RARB: variants seen among roughly 807,000 people sequenced by gnomAD.
RARB encodes retinoic acid receptor beta, also known as HBV-activated protein.
In RARB, 17 loss-of-function variants were observed where a neutral mutation model predicts 51.9. That is an observed-to-expected ratio of 0.33 (90% CI 0.22 to 0.49). The LOEUF is 0.49. Among genes scored for constraint, RARB ranks in the 20% least tolerant of loss-of-function variants. The probability of loss-of-function intolerance (pLI) is 0.99; values close to 1 mark genes in which losing one functional copy is unlikely to be tolerated. For missense variants in RARB, 369 were observed against 550.8 expected, an observed-to-expected ratio of 0.67 and a Z score of 3.30; for synonymous variants, 215 against 195.4, an observed-to-expected ratio of 1.10 and a Z score of -0.84.
At chr3:25,020,000 C>A (rs895002249) in intron 2 of RARB, among the ~76,000 whole-genome samples, 5 of 152,074 alleles carry the variant, frequency 3.3e-5, no homozygotes, top group African/African-American at 1.2e-4. Flanking sequence ...CCTCTTCCAA[C>A]TTACACAGAG....
intron 2 of RARB, among the ~76,000 whole-genome samples, chr3:24,878,757 G>A (rs1353038146): frequency 6.6e-6 from 1 of 152,070 alleles, no homozygotes; most frequent in Non-Finnish European, 1.5e-5. Flanking sequence ...ACTCCTGTCG[G>A]GTGATCTGCA....
chr3:25,190,565 A>G (rs1701077914), intron 5 of RARB, among the ~76,000 whole-genome samples: 1 of 152,108 alleles, frequency 6.6e-6, no homozygotes, highest in African/African-American at 2.4e-5. Context: ...GATCAACTAA[A>G]AAATGCATTT....
At position 25,406,319 on chromosome 3, in the gene RARB, G is replaced by A. The variant is rs528096871; in HGVS notation, c.179-54874G>A. On this transcript the variant is annotated intron_variant, in intron 5 of 11. Coordinates refer to the RARB transcript ENST00000383772. Reference sequence around the variant, plus strand: ...AAAGAAGCACGCAACCTCCATCAGGGATTGTATTTGTCTGCTCAGGCTGCC... The same window carrying A: ...AAAGAAGCACGCAACCTCCATCAGGAATTGTATTTGTCTGCTCAGGCTGCC... Among the ~76,000 whole-genome samples, 410 of 152,330 alleles carry A rather than the reference G, an allele frequency of 2.7e-3. 2 individuals carry two copies. The highest frequency in any genetic ancestry group is 9.6e-3 in the African/African-American group (398 of 41,576).
At chr3:25,005,074 G>C (rs940991769) in intron 2 of RARB, among the ~76,000 whole-genome samples, 3 of 152,060 alleles carry the variant, frequency 2.0e-5, no homozygotes, top group African/African-American at 7.2e-5. Context: ...GTTTCTAGTG[G>C]TTTGAGTGGT....
intron 2 of RARB, among the ~76,000 whole-genome samples, chr3:25,490,227 C>T (rs892303038): frequency 6.6e-6 from 1 of 152,104 alleles, no homozygotes; most frequent in African/African-American, 2.4e-5. Context: ...TGAGAAGATT[C>T]CAACATGGCC....
chr3:25,505,440 A>T (rs1427831042), intron 3 of RARB, among the ~76,000 whole-genome samples: 1 of 152,174 alleles, frequency 6.6e-6, no homozygotes, highest in Non-Finnish European at 1.5e-5. Context: ...ATCATGTGCA[A>T]ATTTAATTTT....
At chr3:25,272,159 A>G (rs1002722482) in intron 5 of RARB, among the ~76,000 whole-genome samples, 1 of 152,244 alleles carries the variant, frequency 6.6e-6, no homozygotes, top group Admixed American at 6.5e-5. Context: ...AGAAAATTCT[A>G]TGGACAGTGT....
chr3:25,052,953 A>T (rs1698366891), intron 2 of RARB, among the ~76,000 whole-genome samples: 1 of 152,090 alleles, frequency 6.6e-6, no homozygotes, highest in African/African-American at 2.4e-5. Context: ...AAGCAATGAG[A>T]TTGTCCTTCC....
At chr3:25,101,198 C>A (rs551577803) in intron 3 of RARB, among the ~76,000 whole-genome samples, 3 of 152,122 alleles carry the variant, frequency 2.0e-5, no homozygotes, top group Admixed American at 2.0e-4. Context: ...CTAGAGGCTT[C>A]ATCTTATGGC....
intron 5 of RARB, among the ~76,000 whole-genome samples, chr3:25,398,157 G>A (rs893421743): frequency 2.0e-5 from 3 of 152,030 alleles, no homozygotes; most frequent in African/African-American, 4.8e-5. Flanking sequence ...GAAGCTCCAC[G>A]TTTGGGGGCC....
intron 5 of RARB, among the ~76,000 whole-genome samples, chr3:25,301,685 G>A (rs1348790777): frequency 6.6e-6 from 1 of 152,210 alleles, no homozygotes; most frequent in Non-Finnish European, 1.5e-5. Flanking sequence ...AGGACTTAAA[G>A]TGCTAGTCTT....
At chr3:25,341,767 A>G (rs4681047) in intron 5 of RARB, among the ~76,000 whole-genome samples, 55,156 of 151,632 alleles carry the variant, frequency 0.36, 10,718 homozygotes, top group South Asian at 0.5. Context: ...CTATGAGCAA[A>G]ACAGCCCCCC....
At chr3:25,354,944 T>C (rs1340663663) in intron 5 of RARB, among the ~76,000 whole-genome samples, 1 of 151,700 alleles carries the variant, frequency 6.6e-6, no homozygotes, top group Non-Finnish European at 1.5e-5. Context: ...CATGAAACCA[T>C]GAGCACACAC....
intron 5 of RARB, among the ~76,000 whole-genome samples, chr3:25,296,284 CT>C (rs1188536456): frequency 2.6e-5 from 4 of 152,070 alleles, no homozygotes; most frequent in South Asian, 2.1e-4. Context: ...GCCAAAAAGG[CT>C]TTTTTTTCCC....
chr3:25,486,553 C>T (rs1376832866), intron 2 of RARB, among the ~76,000 whole-genome samples: 1 of 152,124 alleles, frequency 6.6e-6, no homozygotes, highest in Non-Finnish European at 1.5e-5. Context: ...GGATTTGGTG[C>T]TGAGGATACA....
At chr3:25,354,969 A>G (rs951916849) in intron 5 of RARB, among the ~76,000 whole-genome samples, 5 of 151,790 alleles carry the variant, frequency 3.3e-5, no homozygotes, top group African/African-American at 1.2e-4. Context: ...CATTCAGGCT[A>G]TCTGGGTTTG....
At chr3:25,552,877 C>G (rs1010542900) in intron 3 of RARB, among the ~76,000 whole-genome samples, 1 of 152,144 alleles carries the variant, frequency 6.6e-6, no homozygotes, top group Non-Finnish European at 1.5e-5. Flanking sequence ...GCTGTTACAT[C>G]ATGGTCTCTA....
At chr3:25,075,139 G>T (rs539882697) in intron 3 of RARB, among the ~76,000 whole-genome samples, 1 of 152,174 alleles carries the variant, frequency 6.6e-6, no homozygotes, top group Non-Finnish European at 1.5e-5. Flanking sequence ...CTAAGATGCA[G>T]ATGTGGGGGT....
intron 3 of RARB, among the ~76,000 whole-genome samples, chr3:25,531,388 G>A (rs200050984): frequency 6.9e-6 from 1 of 145,330 alleles, no homozygotes; most frequent in Non-Finnish European, 1.6e-5. Context: ...AGATAGATAG[G>A]TAGATAGATA....
Sources: gnomAD v4.1 joint callset for allele counts (sites outside exome capture counted in the v4.1 genomes callset) on GRCh38, gnomAD v4.1.1 for gene constraint, MANE v1.5 for transcripts, NCBI Gene and HGNC (gene_info 2026-07-23, HGNC 2026-07-21) for gene names.